LEO1: variants seen among roughly 807,000 people sequenced by gnomAD.
The protein encoded by LEO1 is LEO1 component of Paf1/RNA polymerase II complex, also known as RNA polymerase-associated protein LEO1.
Under a neutral mutation model 80.4 loss-of-function variants are expected in LEO1, and 34 were observed. The observed-to-expected ratio is 0.42, with a 90% confidence interval of 0.32 to 0.56. LEO1 has a LOEUF of 0.56. Ranked by LOEUF, LEO1 falls within the 20% of genes least tolerant of loss-of-function variation. LEO1 has a pLI of 0.10. For missense variants in LEO1, 631 were observed against 814.2 expected, an observed-to-expected ratio of 0.77 and a Z score of 2.74; for synonymous variants, 262 against 274.9, an observed-to-expected ratio of 0.95 and a Z score of 0.46.
intron 6 of LEO1, 92 bp downstream of exon 6, chr15:51,958,649 TA>T (rs1460559703): frequency 2.7e-6 from 2 of 751,796 alleles, no homozygotes; most frequent in African/African-American, 1.8e-5. Context: ...AAGTGTTAGG[TA>T]AAAAAATCAC....
rs780139437 is a variant in LEO1 at position 51,966,043 on chromosome 15, C to T, written c.520G>A (p.Asp174Asn). Residue 174 changes from aspartate (D) to asparagine (N), a missense_variant, in exon 2 of 12, where the codon GAT becomes AAT. Asp to Asn is a conservative substitution (Grantham distance 23). Coordinates refer to ENST00000299601, the MANE Select transcript of LEO1 (RefSeq NM_138792.4). The stretch of plus-strand genomic sequence containing the variant: ...TCATCGTCAGAATTCTGCAGCTTAT[C>T]TTCATCAGATCCTTGTGCCCTCTCC... ...DEERAQGSDE[D>N]KLQNSDDDEK... The T allele has an allele frequency of 3.1e-6, 5 of 1,614,108 alleles. No individual in the cohort carries two copies. Among genetic ancestry groups the T allele is most frequent in the Non-Finnish European group, 4.2e-6 (5 of 1,180,032 alleles).
chr15:51,960,100 C>T (rs1444460508), intron 4 of LEO1, 56 bp from the exon 5 acceptor site: 1 of 1,370,970 alleles, frequency 7.3e-7, no homozygotes, highest in South Asian at 1.2e-5. Context: ...TGGCTTCCTT[C>T]AACCTCCACA....
rs2056964046 is a variant in LEO1, at chr15:51,953,369, T to C, written c.1341-106A>G. ...TGGGCACAGTGGCCCACATGTGTAA[T>C]CCCAGCACTTTGGGACACCAAGGCA... On this transcript the variant is annotated intron_variant, in intron 7 of 11. Coordinates refer to ENST00000299601, the MANE Select transcript of LEO1 (RefSeq NM_138792.4). 10 of 1,190,512 alleles carry C rather than the reference T, an allele frequency of 8.4e-6. 1 individual carries two copies. The South Asian group carries it at 1.3e-4, about 16-fold the overall frequency. 73.7% of individuals were successfully genotyped at this position (1,190,512 alleles called of 1,614,324 possible).
chr15:51,939,420 ACCTGAAAGG>A (rs1310365274), intron 11 of LEO1, among the ~76,000 whole-genome samples: 14 of 152,040 alleles, frequency 9.2e-5, no homozygotes, highest in Non-Finnish European at 1.8e-4. Context: ...ATTCCCACAG[ACCTGAAAGG>A]CCATAGAATT....
intron 2 of LEO1, 112 bp downstream of exon 2, chr15:51,965,637 G>T: frequency 7.2e-7 from 1 of 1,393,270 alleles, no homozygotes; most frequent in Non-Finnish European, 9.6e-7. Context: ...TTGAAAGGGA[G>T]GGGACAGAAG....
chr15:51,962,571 TAAAC>T (rs894050238), intron 2 of LEO1, 78 bp from the exon 3 acceptor site: 18 of 949,224 alleles, frequency 1.9e-5, no homozygotes, highest in Middle Eastern at 2.2e-4. Context: ...ATATTGGAGA[TAAAC>T]AAATTGTGAT....
rs75314076 is a variant in LEO1, at chr15:51,967,909, C to T, written c.59-1405G>A. 1.6e-3 allele frequency among the ~76,000 whole-genome samples: 251 copies of T among 152,328 alleles called. 1 individual carries two copies. Among genetic ancestry groups the T allele is most frequent in the African/African-American group, 5.7e-3 (237 of 41,576 alleles). On this transcript the variant is annotated intron_variant, in intron 1 of 11. Transcript: ENST00000299601. Reference sequence around the variant, plus strand: ...GACGTTATTAAGAAAGTAGGCCCGGCGCAGTGGCTCATGCCTGTAATCCCA... The same window carrying T: ...GACGTTATTAAGAAAGTAGGCCCGGTGCAGTGGCTCATGCCTGTAATCCCA...
At chr15:51,954,241 T>C (rs528083300) in intron 7 of LEO1, among the ~76,000 whole-genome samples, 1 of 151,170 alleles carries the variant, frequency 6.6e-6, no homozygotes, top group East Asian at 2.0e-4. Flanking sequence ...TTTTTAATAA[T>C]CCATGCAGGG....
At chr15:51,963,362 A>G (rs1049964300) in intron 2 of LEO1, among the ~76,000 whole-genome samples, 2 of 152,222 alleles carry the variant, frequency 1.3e-5, no homozygotes, top group African/African-American at 4.8e-5. Flanking sequence ...TACATAAGAC[A>G]AATTTCAGGG....
chr15:51,946,292 C>T (rs906592172), intron 11 of LEO1, among the ~76,000 whole-genome samples: 3 of 152,052 alleles, frequency 2.0e-5, no homozygotes, highest in Admixed American at 6.6e-5. Context: ...CAGGTTCAGG[C>T]AATTCTCCTG....
intron 9 of LEO1, among the ~76,000 whole-genome samples, chr15:51,951,064 A>G (rs1023975257): frequency 6.6e-6 from 1 of 152,260 alleles, no homozygotes; most frequent in African/African-American, 2.4e-5. Context: ...GCAAGGGCTC[A>G]GAGCCAAACC....
intron 6 of LEO1, among the ~76,000 whole-genome samples, chr15:51,956,817 C>A (rs527526919): frequency 2.3e-4 from 35 of 152,134 alleles, no homozygotes; most frequent in Non-Finnish European, 4.4e-4. Context: ...GGGTAAAATA[C>A]ATATTTATAA....
chr15:51,955,456 A>C (rs2056981893), intron 6 of LEO1, among the ~76,000 whole-genome samples: 1 of 152,246 alleles, frequency 6.6e-6, no homozygotes, highest in Non-Finnish European at 1.5e-5. Context: ...GAAACACCAG[A>C]GTTGGCAAAT....
At chr15:51,938,339 C>T in intron 11 of LEO1, 79 bp from the exon 12 acceptor site, 1 of 782,398 alleles carries the variant, frequency 1.3e-6, no homozygotes, top group South Asian at 1.6e-5. Context: ...TAGCTATGAG[C>T]TGAATGACCC....
intron 1 of LEO1, among the ~76,000 whole-genome samples, 166 bp downstream of exon 1, chr15:51,971,522 T>A (rs1450268627): frequency 6.6e-6 from 1 of 151,936 alleles, no homozygotes; most frequent in African/African-American, 2.4e-5. Context: ...TGACTCTCCA[T>A]CCTGCCCGCC....
At chr15:51,939,901 C>T (rs545637605) in intron 11 of LEO1, among the ~76,000 whole-genome samples, 2 of 152,264 alleles carry the variant, frequency 1.3e-5, no homozygotes, top group South Asian at 2.1e-4. Context: ...AGAAGTCTCA[C>T]TGGCACCAGT....
intron 11 of LEO1, among the ~76,000 whole-genome samples, chr15:51,945,918 C>T (rs2056896297): frequency 6.6e-6 from 1 of 151,846 alleles, no homozygotes; most frequent in South Asian, 2.1e-4. Context: ...CCTGTAGTCC[C>T]AGCTACTCGG....
Position 51,947,351 on chromosome 15 carries a change from C to G in LEO1, c.1837G>C (p.Gly613Arg), listed in dbSNP as rs1366947361. The change falls in exon 11 of 12, where the codon GGA becomes CGA. Residue 613 changes from glycine to arginine, a missense_variant. Transcript: ENST00000299601. ...CTTTGAGCTTTATCTTCTTCTGATCCCTCATCACTGTCTGATGAATAGATT... is the reference window on the plus strand; with the variant it reads ...CTTTGAGCTTTATCTTCTTCTGATCGCTCATCACTGTCTGATGAATAGATT... Reference protein sequence around the residue: ...ARIYSSDSDEGSEEDKAQRLL... With the variant: ...ARIYSSDSDERSEEDKAQRLL... 1 of 1,613,570 alleles carries G rather than the reference C, an allele frequency of 6.2e-7. No individual in the cohort carries two copies. The highest frequency in any genetic ancestry group is 8.5e-7 in the Non-Finnish European group (1 of 1,179,784).
intron 9 of LEO1, 28 bp from the exon 10 acceptor site, chr15:51,950,022 C>A (rs2056936005): frequency 6.4e-7 from 1 of 1,574,662 alleles, no homozygotes; most frequent in Non-Finnish European, 8.6e-7. Flanking sequence ...ACCTCTTTAA[C>A]CTAAAAAGGA....
Sources: allele counts gnomAD v4.1 joint callset (sites outside exome capture counted in the v4.1 genomes callset), GRCh38; gene constraint gnomAD v4.1.1; transcripts MANE v1.5; gene names NCBI Gene and HGNC (gene_info 2026-07-23, HGNC 2026-07-21).